Variants in MEF2A observed in about 807,000 individuals in gnomAD.
MEF2A encodes the protein myocyte-specific enhancer factor 2A.
In MEF2A, 28 loss-of-function variants were observed where a neutral mutation model predicts 55.8. That is an observed-to-expected ratio of 0.50 (90% CI 0.37 to 0.69). MEF2A has a LOEUF of 0.69. Among genes scored for constraint, MEF2A ranks in the 30% least tolerant of loss-of-function variants. The pLI, the probability that MEF2A is intolerant of heterozygous loss-of-function variation, is 0.00. For synonymous variants in MEF2A, 239 were observed against 227.1 expected (o/e 1.05, Z -0.47); for missense variants, 528 against 626.2 (o/e 0.84, Z 1.67).
chr15:99,654,531 T>C (rs1244191710), intron 4 of MEF2A, among the ~76,000 whole-genome samples: 1 of 143,910 alleles, frequency 6.9e-6, no homozygotes, highest in African/African-American at 2.6e-5. Flanking sequence ...AGAGCGAGGC[T>C]CCATCTCAAA....
At chr15:99,582,557 TTCTTG>T (rs1473454664) in intron 1 of MEF2A, among the ~76,000 whole-genome samples, 2 of 152,124 alleles carry the variant, frequency 1.3e-5, no homozygotes. Flanking sequence ...GTCTTATTTC[TTCTTG>T]TATTCTCTTG....
intron 7 of MEF2A, among the ~76,000 whole-genome samples, chr15:99,681,262 G>A (rs143260873): frequency 1.3e-5 from 2 of 152,322 alleles, no homozygotes; most frequent in East Asian, 3.9e-4. Flanking sequence ...ATTGTAGCAG[G>A]CACATTGGCA....
chr15:99,654,715 A>T (rs1414142357), intron 4 of MEF2A, among the ~76,000 whole-genome samples: 2 of 152,098 alleles, frequency 1.3e-5, no homozygotes, highest in Admixed American at 6.6e-5. Context: ...TCATGTCGAT[A>T]AAATGGCAGT....
At position 99,674,442 on chromosome 15, in the gene MEF2A, C is replaced by T; in HGVS notation, c.440C>T (p.Thr147Ile). ...NFSMSVTVPVTSPNALSYTNP... is the reference protein window; with the variant it reads ...NFSMSVTVPVISPNALSYTNP... ...TCAATGTCTGTCACAGTTCCAGTGA[C>T]CAGCCCCAATGCTTTGTCCTACACT... The change falls in exon 6 of 12, where the codon ACC (threonine) becomes ATC (isoleucine). Residue 147 changes from threonine (T) to isoleucine (I), a missense_variant. This residue lies in a region of MEF2A where 450 missense variants were observed against 475.3 expected (regional missense o/e 0.95). Transcript: ENST00000557942. The T allele has an allele frequency of 6.2e-7, 1 of 1,613,802 alleles. No homozygotes were observed. Among genetic ancestry groups the T allele is most frequent in the Non-Finnish European group, 8.5e-7 (1 of 1,179,790 alleles).
intron 10 of MEF2A, among the ~76,000 whole-genome samples, chr15:99,708,729 C>T (rs2058304185): frequency 6.6e-6 from 1 of 152,180 alleles, no homozygotes; most frequent in Admixed American, 6.5e-5. Flanking sequence ...AGGCACAAGA[C>T]ACACAGCTCT....
chr15:99,702,075 A>G (rs758194480), intron 8 of MEF2A, among the ~76,000 whole-genome samples: 1 of 152,258 alleles, frequency 6.6e-6, no homozygotes, highest in Non-Finnish European at 1.5e-5. Context: ...TTACACATAC[A>G]CAGCTATAAT....
chr15:99,675,277 A>C (rs1472987206), intron 6 of MEF2A, 122 bp from the exon 7 acceptor site: 62 of 862,112 alleles, frequency 7.2e-5, no homozygotes, highest in Non-Finnish European at 8.5e-5. Context: ...GCTAGTTTTT[A>C]TTTTTGTGTC....
chr15:99,681,402 A>G (rs1230434436), intron 7 of MEF2A, among the ~76,000 whole-genome samples: 1 of 152,250 alleles, frequency 6.6e-6, no homozygotes, highest in Non-Finnish European at 1.5e-5. Flanking sequence ...AGATGACAGC[A>G]GCATGTCTGG....
chr15:99,602,577 C>T (rs1055812422), intron 2 of MEF2A, among the ~76,000 whole-genome samples: 3 of 151,674 alleles, frequency 2.0e-5, no homozygotes, highest in Non-Finnish European at 2.9e-5. Flanking sequence ...TGGCTTGGGC[C>T]GCGACCAATT....
intron 2 of MEF2A, among the ~76,000 whole-genome samples, chr15:99,605,606 C>CT (rs1395011785): frequency 1.3e-5 from 2 of 151,030 alleles, no homozygotes; most frequent in East Asian, 3.9e-4. Context: ...AATTGGTATG[C>CT]TTTTTTGTAG....
intron 1 of MEF2A, among the ~76,000 whole-genome samples, chr15:99,596,934 T>G (rs1162382214): frequency 6.6e-6 from 1 of 152,188 alleles, no homozygotes; most frequent in East Asian, 1.9e-4. Flanking sequence ...TTCCCCAAAT[T>G]AATACTTTTG....
At chr15:99,671,175 A>G in intron 4 of MEF2A, 148 bp from the exon 5 acceptor site, 1 of 667,500 alleles carries the variant, frequency 1.5e-6, no homozygotes, top group Non-Finnish European at 2.4e-6. Context: ...TATTTGAAGA[A>G]GTAAGTACAT....
intron 8 of MEF2A, among the ~76,000 whole-genome samples, chr15:99,699,984 G>A (rs79861499): frequency 8.2e-5 from 9 of 109,770 alleles, no homozygotes; most frequent in African/African-American, 2.6e-4. Flanking sequence ...GTGTGTGTGT[G>A]TATATATATA....
At position 99,715,477 on chromosome 15, in the gene MEF2A, AT is replaced by A. The variant is rs1292281993; in HGVS notation, c.*2709del. On this transcript the variant is annotated 3_prime_UTR_variant, in exon 12 of 12. Coordinates refer to ENST00000557942, the MANE Select transcript of MEF2A (RefSeq NM_001319206.4). ...ATGTATTCCATTTCAGGAACTGAAT[AT>A]TTGACTGTTAACCTTTTTCCCATAC... is the stretch of plus-strand genomic sequence containing the variant. 3 of 152,240 alleles carry A rather than the reference AT, an allele frequency of 2.0e-5. No individual in the cohort carries two copies. Among genetic ancestry groups the A allele is most frequent in the African/African-American group, 7.2e-5 (3 of 41,458 alleles). The allele number at this position is 152,240 out of a possible 1,614,324, so 9.4% of individuals were successfully genotyped here.
At chr15:99,610,106 C>T (rs970677172) in intron 2 of MEF2A, among the ~76,000 whole-genome samples, 2 of 151,858 alleles carry the variant, frequency 1.3e-5, no homozygotes, top group African/African-American at 4.8e-5. Context: ...TTACTGGAAG[C>T]ATTTGAAATC....
intron 4 of MEF2A, among the ~76,000 whole-genome samples, chr15:99,671,082 A>G (rs961543606): frequency 6.6e-6 from 1 of 152,250 alleles, no homozygotes; most frequent in Non-Finnish European, 1.5e-5. Flanking sequence ...TGAGAAGTTT[A>G]GAAAGGAAGA....
chr15:99,673,670 G>A (rs2051323138), intron 5 of MEF2A, among the ~76,000 whole-genome samples: 1 of 151,988 alleles, frequency 6.6e-6, no homozygotes, highest in African/African-American at 2.4e-5. Flanking sequence ...AAGGGGATAT[G>A]GAATAATTTG....
intron 1 of MEF2A, among the ~76,000 whole-genome samples, chr15:99,588,163 C>CAACA: frequency 6.6e-6 from 1 of 152,312 alleles, no homozygotes; most frequent in African/African-American, 2.4e-5. Flanking sequence ...GTTGCCCAGG[C>CAACA]TGTTGTACAG....
chr15:99,673,042 T>G (rs2051184536), intron 5 of MEF2A, among the ~76,000 whole-genome samples: 1 of 152,154 alleles, frequency 6.6e-6, no homozygotes, highest in Admixed American at 6.5e-5. Flanking sequence ...AAAGATATAT[T>G]GAAGCTGATG....
Sources: allele counts gnomAD v4.1 joint callset (sites outside exome capture counted in the v4.1 genomes callset), GRCh38; gene constraint gnomAD v4.1.1; regional missense constraint gnomAD v4.1.1; transcripts MANE v1.5; gene names NCBI Gene and HGNC (gene_info 2026-07-23, HGNC 2026-07-21).